Variants in ONECUT2 observed in about 807,000 individuals in gnomAD.
ONECUT2 encodes one cut homeobox 2.
Under a neutral mutation model 27.9 loss-of-function variants are expected in ONECUT2, and 10 were observed. That is an observed-to-expected ratio of 0.36 (90% CI 0.22 to 0.61). ONECUT2 has a LOEUF of 0.61. Ranked by LOEUF, ONECUT2 falls within the 20% of genes least tolerant of loss-of-function variation. ONECUT2 has a pLI of 0.73. For missense variants in ONECUT2, 686 were observed against 721.0 expected, an observed-to-expected ratio of 0.95 and a Z score of 0.56; for synonymous variants, 334 against 315.1, an observed-to-expected ratio of 1.06 and a Z score of -0.64.
Position 57,478,533 on chromosome 18 carries a change from G to C in ONECUT2, c.*1810G>C, listed in dbSNP as rs12963089. 0.62 allele frequency: 93,953 copies of C among 152,520 alleles called. 30,080 individuals are homozygous for C. Among genetic ancestry groups the C allele is most frequent in the East Asian group, 0.88 (4,556 of 5,184 alleles). The allele number at this position is 152,520 out of a possible 1,614,324, so 9.4% of individuals were successfully genotyped here. A position where few individuals can be genotyped will look rare whatever the true frequency, so the allele number is the denominator to read the frequency against. ...AGAAAATAAACGAAAACAAAAACAG[G>C]GAGACACACTGTGTTCAAACAGACC... is the stretch of plus-strand genomic sequence containing the variant. On this transcript the variant is annotated 3_prime_UTR_variant, in exon 2 of 2. Coordinates refer to ENST00000491143, the MANE Select transcript of ONECUT2 (RefSeq NM_004852.3).
In ONECUT2 at chr18:57,481,923, A is replaced by T. The variant is rs1051789311; in HGVS notation, c.*5200A>T. ...TTTTTGTTGTTGCTGATGCTGTGTG[A>T]TTCAGACTTCTCAGCCTAACCAGGA... On this transcript the variant is annotated 3_prime_UTR_variant, in exon 2 of 2. Coordinates refer to ENST00000491143, the MANE Select transcript of ONECUT2 (RefSeq NM_004852.3). 1.3e-5 allele frequency: 2 copies of T among 152,202 alleles called. No homozygotes were observed. The highest frequency in any genetic ancestry group is 2.9e-5 in the Non-Finnish European group (2 of 68,044). 9.4% of individuals were successfully genotyped at this position (152,202 alleles called of 1,614,324 possible). A position where few individuals can be genotyped will look rare whatever the true frequency, so the allele number is the denominator to read the frequency against.
rs2050395297 is a variant in ONECUT2 at position 57,478,150 on chromosome 18, A to C, written c.*1427A>C. ...GGCGCATCATCGGGCTGAGCGGACC[A>C]GCTACACCAAGGACATTAGCCAAGC... On this transcript the variant is annotated 3_prime_UTR_variant, in exon 2 of 2. Coordinates refer to ENST00000491143, the MANE Select transcript of ONECUT2 (RefSeq NM_004852.3). The C allele has an allele frequency of 6.5e-6, 1 of 152,676 alleles. No homozygotes were observed. The highest frequency in any genetic ancestry group is 2.4e-5 in the African/African-American group (1 of 41,470). The allele number at this position is 152,676 out of a possible 1,614,324, so 9.5% of individuals were successfully genotyped here. A position where few individuals can be genotyped will look rare whatever the true frequency, so the allele number is the denominator to read the frequency against.
chr18:57,459,839 G>A (rs966101282), intron 1 of ONECUT2, among the ~76,000 whole-genome samples: 12 of 152,208 alleles, frequency 7.9e-5, no homozygotes, highest in Non-Finnish European at 1.2e-4. Flanking sequence ...GATTATAGGC[G>A]TGAGCCACCA....
chr18:57,460,058 G>A (rs2050281765), intron 1 of ONECUT2, among the ~76,000 whole-genome samples: 1 of 152,122 alleles, frequency 6.6e-6, no homozygotes, highest in Non-Finnish European at 1.5e-5. Flanking sequence ...AAGCAGCTAG[G>A]ACTACAGGTG....
chr18:57,435,523 G>T lies in ONECUT2; in HGVS notation c.-194G>T, dbSNP rs1331706289. 1.5e-5 allele frequency among the ~76,000 whole-genome samples: 1 copy of T among 64,656 alleles called. No homozygotes were observed. The highest frequency in any genetic ancestry group is 6.2e-5 in the African/African-American group (1 of 16,042). 42.4% of individuals were successfully genotyped at this position (64,656 alleles called of 152,430 possible). A position where few individuals can be genotyped will look rare whatever the true frequency, so the allele number is the denominator to read the frequency against. ...GTCCCCTCCCCTCTCCCGCACGCAC[G>T]CCCCGTCCGCCCCCACCCCGCCCCC... On this transcript the variant is annotated 5_prime_UTR_variant, in exon 1 of 2. Coordinates refer to ENST00000491143, the MANE Select transcript of ONECUT2 (RefSeq NM_004852.3).
rs78117626 is a variant in ONECUT2 at position 57,463,990 on chromosome 18, C to CA, written c.1229-12433dup. ...TCTTGAGTTTTCTAGGTTACAAAAC[C>CA]AAAAAAAAAAAAAAGTCCCTCATAT... On this transcript the variant is annotated intron_variant, in intron 1 of 1. Coordinates refer to ENST00000491143, the MANE Select transcript of ONECUT2 (RefSeq NM_004852.3). Among the ~76,000 whole-genome samples, 1,164 of 116,526 alleles carry CA rather than the reference C, an allele frequency of 1.0e-2. 5 individuals carry two copies. Among genetic ancestry groups the CA allele is most frequent in the Admixed American group, 0.027 (319 of 11,624 alleles). The allele number at this position is 116,526 out of a possible 152,430, so 76.4% of individuals were successfully genotyped here.
chr18:57,464,054 C>T (rs1041871479), intron 1 of ONECUT2, among the ~76,000 whole-genome samples: 4 of 151,326 alleles, frequency 2.6e-5, no homozygotes, highest in Admixed American at 6.6e-5. Flanking sequence ...TGGCTGAAGA[C>T]GCTGTTAAGT....
At chr18:57,468,895 T>TAC (rs2050338563) in intron 1 of ONECUT2, among the ~76,000 whole-genome samples, 1 of 152,188 alleles carries the variant, frequency 6.6e-6, no homozygotes, top group South Asian at 2.1e-4. Context: ...ATCATGCAGA[T>TAC]TAGTTCCAAA....
chr18:57,471,149 C>T (rs1021716541), intron 1 of ONECUT2, among the ~76,000 whole-genome samples: 24 of 152,204 alleles, frequency 1.6e-4, no homozygotes, highest in African/African-American at 4.3e-4. Flanking sequence ...CTTTGCATCC[C>T]CTCTGGATGG....
At chr18:57,440,729 G>C (rs1326199677) in intron 1 of ONECUT2, among the ~76,000 whole-genome samples, 1 of 152,204 alleles carries the variant, frequency 6.6e-6, no homozygotes, top group African/African-American at 2.4e-5. Context: ...ACGTCCTTGG[G>C]TGACACGGGC....
Position 57,476,453 on chromosome 18 carries a change from G to A in ONECUT2, c.1245G>A (p.Glu415=), listed in dbSNP as rs747629062. Reference sequence around the variant, plus strand: ...CCCTTCAAGCGTGCAAACGCAAAGAGCAAGAACCAAACAAAGACAGGAACA... The same window carrying A: ...CCCTTCAAGCGTGCAAACGCAAAGAACAAGAACCAAACAAAGACAGGAACA... ...ALRLAACKRK[E]QEPNKDRNNS... The change falls in exon 2 of 2, where the codon GAG becomes GAA. Residue 415 remains glutamate (E), a synonymous_variant. Transcript: ENST00000491143. 16 of 1,614,066 alleles carry A rather than the reference G, an allele frequency of 9.9e-6. No individual in the cohort carries two copies. The highest frequency in any genetic ancestry group is 1.4e-5 in the Non-Finnish European group (16 of 1,180,022).
intron 1 of ONECUT2, among the ~76,000 whole-genome samples, chr18:57,462,907 T>G (rs1443309454): frequency 3.3e-5 from 5 of 151,954 alleles, no homozygotes; most frequent in Admixed American, 3.3e-4. Context: ...AATTTTTGTA[T>G]TTTTAGTAGA....
At chr18:57,471,709 G>A (rs1352331398) in intron 1 of ONECUT2, among the ~76,000 whole-genome samples, 1 of 152,176 alleles carries the variant, frequency 6.6e-6, no homozygotes. Context: ...ACCAGGTCCT[G>A]GGCCACAGGA....
chr18:57,479,438 C>A lies in ONECUT2; in HGVS notation c.*2715C>A, dbSNP rs913505274. 3 of 152,578 alleles carry A rather than the reference C, an allele frequency of 2.0e-5. No homozygotes were observed. The highest frequency in any genetic ancestry group is 6.5e-5 in the Admixed American group (1 of 15,270). 9.5% of individuals were successfully genotyped at this position (152,578 alleles called of 1,614,324 possible). ...CATGTCTTGTTTTGGTCCAGTGCTTCATTTGCTAAGTATTCGGTTCAGAAT... is the reference window on the plus strand; with the variant it reads ...CATGTCTTGTTTTGGTCCAGTGCTTAATTTGCTAAGTATTCGGTTCAGAAT... On this transcript the variant is annotated 3_prime_UTR_variant, in exon 2 of 2. Coordinates refer to ENST00000491143, the MANE Select transcript of ONECUT2 (RefSeq NM_004852.3).
chr18:57,446,234 T>G (rs766150835), intron 1 of ONECUT2, among the ~76,000 whole-genome samples: 22 of 152,238 alleles, frequency 1.4e-4, no homozygotes, highest in Non-Finnish European at 2.9e-4. Flanking sequence ...ATTTCCCAAC[T>G]GCTGAATCAT....
At position 57,478,163 on chromosome 18, in the gene ONECUT2, A is replaced by G. The variant is rs112406127; in HGVS notation, c.*1440A>G. 1,647 of 152,780 alleles carry G rather than the reference A, an allele frequency of 0.011. 19 individuals carry two copies. Among genetic ancestry groups the G allele is most frequent in the Non-Finnish European group, 0.015 (1,000 of 68,042 alleles). 9.5% of individuals were successfully genotyped at this position (152,780 alleles called of 1,614,324 possible). A position where few individuals can be genotyped will look rare whatever the true frequency, so the allele number is the denominator to read the frequency against. On this transcript the variant is annotated 3_prime_UTR_variant, in exon 2 of 2. Transcript: ENST00000491143. ...GCTGAGCGGACCAGCTACACCAAGG[A>G]CATTAGCCAAGCCACCCAGAGGGGT...
chr18:57,480,986 T>A lies in ONECUT2; in HGVS notation c.*4263T>A, dbSNP rs1460556360. 1 of 152,170 alleles carries A rather than the reference T, an allele frequency of 6.6e-6. No homozygotes were observed. The highest frequency in any genetic ancestry group is 2.4e-5 in the African/African-American group (1 of 41,442). 9.4% of individuals were successfully genotyped at this position (152,170 alleles called of 1,614,324 possible). ...AACAGTTCTCAGCCAAATTTCACAT[T>A]CTTGAGGCAACAGAAATCAAAACAC... is the stretch of plus-strand genomic sequence containing the variant. On this transcript the variant is annotated 3_prime_UTR_variant, in exon 2 of 2. Transcript: ENST00000491143.
At chr18:57,437,069 CTCTT>C (rs2050146778) in intron 1 of ONECUT2, 125 bp downstream of exon 1, 1 of 1,421,164 alleles carries the variant, frequency 7.0e-7, no homozygotes, top group Non-Finnish European at 9.2e-7. Context: ...TATACACGTC[CTCTT>C]TCTTCTCGTT....
At chr18:57,473,388 G>C (rs2050364722) in intron 1 of ONECUT2, among the ~76,000 whole-genome samples, 1 of 152,236 alleles carries the variant, frequency 6.6e-6, no homozygotes, top group Non-Finnish European at 1.5e-5. Context: ...GTAATACAAT[G>C]AGAAGGAGAG....
Sources: allele counts gnomAD v4.1 joint callset (sites outside exome capture counted in the v4.1 genomes callset), GRCh38; gene constraint gnomAD v4.1.1; transcripts MANE v1.5; gene names NCBI Gene and HGNC (gene_info 2026-07-23, HGNC 2026-07-21).